Variants in PKM observed in about 807,000 individuals in gnomAD.
The protein encoded by PKM is pyruvate kinase M1/2.
A neutral mutation model predicts 49.8 loss-of-function variants in PKM; 18 were observed. The observed-to-expected ratio is 0.36, with a 90% CI of 0.25 to 0.54. The LOEUF is 0.54. PKM is among the 20% of genes least tolerant of loss of function. PKM has a pLI of 0.89. For synonymous variants in PKM, 239 were observed against 261.8 expected (o/e 0.91, Z 0.84); for missense variants, 508 against 713.8 (o/e 0.71, Z 3.28).
intron 3 of PKM, among the ~76,000 whole-genome samples, chr15:72,212,878 T>C (rs982129899): frequency 1.3e-5 from 2 of 152,132 alleles, no homozygotes; most frequent in African/African-American, 2.4e-5. Flanking sequence ...GAGACCATCC[T>C]GGCTAACATG....
intron 8 of PKM, chr15:72,203,189 C>G: frequency 1.2e-6 from 2 of 1,613,402 alleles, no homozygotes; most frequent in Non-Finnish European, 1.7e-6. Flanking sequence ...CACGAGCTAT[C>G]TGTAAGGTTT....
At chr15:72,227,330 T>G (rs1311426093) in intron 1 of PKM, among the ~76,000 whole-genome samples, 1 of 152,240 alleles carries the variant, frequency 6.6e-6, no homozygotes, top group Non-Finnish European at 1.5e-5. Context: ...CTAATTGAGA[T>G]TTGACTGTGG....
chr15:72,207,141 TGACAGGCTTCCC>T lies in PKM; in HGVS notation c.961_972del (p.Gly321_Val324del). The T allele has an allele frequency of 6.2e-7, 1 of 1,613,806 alleles. No homozygotes were observed. The highest frequency in any genetic ancestry group is 8.5e-7 in the Non-Finnish European group (1 of 1,180,020). ...TGGGCACATGCCTGAGTAGCACAGA[TGACAGGCTTCCC>T]AGCTCGGTTGCACCGTCCAATCATC... On this transcript the variant is annotated inframe_deletion, in exon 7 of 11. Coordinates refer to ENST00000335181, the MANE Select transcript of PKM (RefSeq NM_002654.6).
rs757911122 is a variant in PKM, at chr15:72,200,695, C to T, written c.1308-40G>A. The T allele has an allele frequency of 1.3e-5, 20 of 1,569,120 alleles. No individual in the cohort carries two copies. The highest frequency in any genetic ancestry group is 1.7e-4 in the Middle Eastern group (1 of 5,934). On this transcript the variant is annotated intron_variant, in intron 9 of 10. Transcript: ENST00000335181. This position sits in a 1 kb window ranked among gnomAD's most constrained non-coding sequence, Gnocchi z 4.6. ...GGGACATACAGAAGAGACCATTACA[C>T]GAGGCCCCAGGAAGTACCCTCAGGG...
chr15:72,201,930 G>A (rs2081955741), intron 9 of PKM: 1 of 201,166 alleles, frequency 5.0e-6, no homozygotes, highest in Non-Finnish European at 1.0e-5. Flanking sequence ...ACAGTCCTCA[G>A]CCTGGCTGCC....
intron 2 of PKM, 49 bp downstream of exon 2, chr15:72,218,895 G>C (rs1367467214): frequency 1.3e-6 from 2 of 1,592,348 alleles, no homozygotes; most frequent in Non-Finnish European, 8.6e-7. Flanking sequence ...GGAGAGAAAG[G>C]TCACTGCCCA....
In PKM at chr15:72,199,516, A is replaced by T. The variant is rs1567097131; in HGVS notation, c.*134T>A. The stretch of plus-strand genomic sequence containing the variant: ...ACAGCCATGTTTCAGTGAGGCGTTG[A>T]TCTTCTTCCCTGGTGTCCCAACCTA... On this transcript the variant is annotated 3_prime_UTR_variant, in exon 11 of 11. Coordinates refer to ENST00000335181, the MANE Select transcript of PKM (RefSeq NM_002654.6). 1.4e-6 allele frequency: 1 copy of T among 727,350 alleles called. No homozygotes were observed. Among genetic ancestry groups the T allele is most frequent in the Non-Finnish European group, 2.5e-6 (1 of 396,110 alleles). 45.1% of individuals were successfully genotyped at this position (727,350 alleles called of 1,614,324 possible). A position where few individuals can be genotyped will look rare whatever the true frequency, so the allele number is the denominator to read the frequency against.
chr15:72,220,035 T>C (rs918939282), intron 1 of PKM, among the ~76,000 whole-genome samples: 1 of 152,194 alleles, frequency 6.6e-6, no homozygotes, highest in Non-Finnish European at 1.5e-5. Context: ...CTCAGCCTGT[T>C]AGTTAGCTGA....
At chr15:72,221,285 C>G (rs1176917476) in intron 1 of PKM, 2 of 1,521,898 alleles carry the variant, frequency 1.3e-6, no homozygotes, top group African/African-American at 2.8e-5. Context: ...CCCTGGAGAG[C>G]TGCACAAGGA....
Position 72,212,685 on chromosome 15 carries a change from G to T in PKM, c.247-2207C>A, listed in dbSNP as rs778920299. ...TGAGTTCCACTACAGCTGTGGCTTT[G>T]TTGGGATGTTATCACGTGGATAAGA... On this transcript the variant is annotated intron_variant, in intron 3 of 10. Coordinates refer to ENST00000335181, the MANE Select transcript of PKM (RefSeq NM_002654.6). Among the ~76,000 whole-genome samples, 2 of 152,142 alleles carry T rather than the reference G, an allele frequency of 1.3e-5. 1 individual carries two copies. The highest frequency in any genetic ancestry group is 4.1e-4 in the South Asian group (2 of 4,824).
At chr15:72,208,589 C>T (rs2082146144) in intron 6 of PKM, 32 bp downstream of exon 6, 2 of 1,613,220 alleles carry the variant, frequency 1.2e-6, no homozygotes, top group Non-Finnish European at 1.7e-6. Context: ...GAGAGCTGCG[C>T]TGGGACTGGA....
Position 72,208,520 on chromosome 15 carries a change from A to G in PKM, c.836+101T>C, listed in dbSNP as rs2082143398. 6 of 1,262,304 alleles carry G rather than the reference A, an allele frequency of 4.8e-6. No homozygotes were observed. In the South Asian group the frequency reaches 7.2e-5, roughly 15 times the overall value. 78.2% of individuals were successfully genotyped at this position (1,262,304 alleles called of 1,614,324 possible). A position where few individuals can be genotyped will look rare whatever the true frequency, so the allele number is the denominator to read the frequency against. ...AGGTTTGGAACTGGCTTGGGAGTCT[A>G]CATTCTGATGGGCTAGGGGCTGGGA... is the stretch of plus-strand genomic sequence containing the variant. On this transcript the variant is annotated intron_variant, in intron 6 of 10. Transcript: ENST00000335181.
chr15:72,230,809 T>G, intron 1 of PKM: 6 of 544,684 alleles, frequency 1.1e-5, no homozygotes, highest in African/African-American at 4.2e-5. Flanking sequence ...CAGGCGAGGA[T>G]GGAGGCGCAT....
chr15:72,210,357 A>T lies in PKM; in HGVS notation c.368T>A (p.Leu123His), dbSNP rs1327703366. The part of the protein sequence containing the change: ...DTKGPEIRTG[L>H]IKGSGTAEVE... ...CCGCAGAATACTCACGCCCTTGATG[A>T]GCCCAGTTCGGATCTCAGGTCCTTT... The change falls in exon 4 of 11, where the codon CTC (leucine) becomes CAC (histidine). Residue 123 changes from leucine (L) to histidine (H), a missense_variant. Coordinates refer to ENST00000335181, the MANE Select transcript of PKM (RefSeq NM_002654.6). The T allele has an allele frequency of 5.6e-6, 9 of 1,614,066 alleles. No homozygotes were observed. Among genetic ancestry groups the T allele is most frequent in the Non-Finnish European group, 7.6e-6 (9 of 1,180,000 alleles).
At chr15:72,205,820 T>C (rs113411431) in intron 8 of PKM, among the ~76,000 whole-genome samples, 2 of 152,062 alleles carry the variant, frequency 1.3e-5, no homozygotes, top group Non-Finnish European at 2.9e-5. Context: ...TGGGAGAAAG[T>C]TAATTTCCAG....
chr15:72,203,647 A>C, intron 8 of PKM: 1 of 194,302 alleles, frequency 5.1e-6, no homozygotes, highest in Non-Finnish European at 1.1e-5. Flanking sequence ...GTGAGCGCTC[A>C]CTTGGCTTCA....
At position 72,202,542 on chromosome 15, in the gene PKM, C is replaced by T; in HGVS notation, c.1219G>A (p.Asp407Asn). ...CCCACGGCGGTGGCTTCTGTGGGGT[C>T]GCTGGTAATGGGCGCCAGGCGGCGG... ...ELRRLAPITS[D>N]PTEATAVGAV... Residue 407 changes from aspartate to asparagine, a missense_variant, in exon 9 of 11, where the codon GAC (aspartate) becomes AAC (asparagine). Asp to Asn is a conservative substitution (Grantham distance 23, BLOSUM62 1). Coordinates refer to ENST00000335181, the MANE Select transcript of PKM (RefSeq NM_002654.6). The surrounding 1 kb of genome is among the most constrained non-coding windows in gnomAD (Gnocchi z 4.5). 3.7e-6 allele frequency: 6 copies of T among 1,613,560 alleles called. No individual in the cohort carries two copies. The highest frequency in any genetic ancestry group is 5.1e-6 in the Non-Finnish European group (6 of 1,179,904).
chr15:72,215,634 C>A (rs1472073228), intron 3 of PKM, among the ~76,000 whole-genome samples: 1 of 152,192 alleles, frequency 6.6e-6, no homozygotes, highest in East Asian at 1.9e-4. Flanking sequence ...CAGCTCTCAT[C>A]CAGCAGGTGT....
rs1402023281 is a variant in PKM at position 72,200,563 on chromosome 15, C to T, written c.1400G>A (p.Arg467His). 9 of 1,613,894 alleles carry T rather than the reference C, an allele frequency of 5.6e-6. No individual in the cohort carries two copies. Among genetic ancestry groups the T allele is most frequent in the South Asian group, 1.1e-5 (1 of 91,086 alleles). Residue 467 changes from arginine to histidine, a missense_variant, in exon 10 of 11, where the codon CGT becomes CAT. Coordinates refer to ENST00000335181, the MANE Select transcript of PKM (RefSeq NM_002654.6). The surrounding 1 kb of genome is among the most constrained non-coding windows in gnomAD (Gnocchi z 4.6). ...CTTGCACAGCACAGGGAAGATGCCA[C>T]GGTACAGGTGGGCCTGACGAGCTGT... ...PQTARQAHLY[R>H]GIFPVLCKDP...
Sources: allele counts gnomAD v4.1 joint callset (sites outside exome capture counted in the v4.1 genomes callset), GRCh38; gene constraint gnomAD v4.1.1; non-coding constraint Gnocchi (gnomAD v3.1); transcripts MANE v1.5; gene names NCBI Gene and HGNC (gene_info 2026-07-23, HGNC 2026-07-21).